The following VAPA variants were observed in gnomAD, a reference collection of about 807,000 sequenced individuals.
The protein encoded by VAPA is VAMP associated protein A.
In VAPA, 6 loss-of-function variants were observed where a neutral mutation model predicts 25.6. That is an observed-to-expected ratio of 0.23 (90% CI 0.13 to 0.46). VAPA has a LOEUF of 0.46. VAPA is among the 20% of genes least tolerant of loss of function. VAPA has a pLI of 0.99. For synonymous variants in VAPA, 112 were observed against 106.2 expected (o/e 1.05, Z -0.34); for missense variants, 244 against 302.1 (o/e 0.81, Z 1.43).
chr18:9,950,380 A>G lies in VAPA; in HGVS notation c.418-15A>G, dbSNP rs371119918. ...TTTGGTTAGTTAAAAAATTCCCAAT[A>G]TCTTTGTAATGCAGAATGATATGGA... On this transcript the variant is annotated splice_polypyrimidine_tract_variant and intron_variant, in intron 4 of 5. Transcript: ENST00000400000. 7 of 1,604,256 alleles carry G rather than the reference A, an allele frequency of 4.4e-6. No individual in the cohort carries two copies. Among genetic ancestry groups the G allele is most frequent in the Non-Finnish European group, 5.1e-6 (6 of 1,177,844 alleles).
chr18:9,933,165 A>G (rs1207823717), intron 2 of VAPA, among the ~76,000 whole-genome samples: 1 of 152,108 alleles, frequency 6.6e-6, no homozygotes, highest in Non-Finnish European at 1.5e-5. Context: ...ATATTATAAT[A>G]ATTCTGTATC....
Position 9,959,703 on chromosome 18 carries a change from GAGTT to G in VAPA, c.*5494_*5497del, listed in dbSNP as rs1299934134. 1 of 126,558 alleles carries G rather than the reference GAGTT, an allele frequency of 7.9e-6. No individual in the cohort carries two copies. The highest frequency in any genetic ancestry group is 1.6e-5 in the Non-Finnish European group (1 of 63,108). 7.8% of individuals were successfully genotyped at this position (126,558 alleles called of 1,614,324 possible). On this transcript the variant is annotated 3_prime_UTR_variant, in exon 6 of 6. Transcript: ENST00000400000. Reference sequence around the variant, plus strand: ...AATGTGTGTGTGTGAGAGAGAGAGTGAGTTACTGACATTGTTCCAAAAAAAAAAA... The same window carrying G: ...AATGTGTGTGTGTGAGAGAGAGAGTGACTGACATTGTTCCAAAAAAAAAAA...
In VAPA at chr18:9,957,840, C is replaced by T. The variant is rs1293350836; in HGVS notation, c.*3629C>T. ...CTCTTGCTTAGTGAGATGGAGTTAA[C>T]TATTTTTTAGTAGGAAGTGAGAACA... On this transcript the variant is annotated 3_prime_UTR_variant, in exon 6 of 6. Transcript: ENST00000400000. 1 of 152,178 alleles carries T rather than the reference C, an allele frequency of 6.6e-6. No homozygotes were observed. The highest frequency in any genetic ancestry group is 1.5e-5 in the Non-Finnish European group (1 of 68,036). The allele number at this position is 152,178 out of a possible 1,614,324, so 9.4% of individuals were successfully genotyped here. A position where few individuals can be genotyped will look rare whatever the true frequency, so the allele number is the denominator to read the frequency against.
At chr18:9,914,546 C>T (rs2069094227) in intron 1 of VAPA, 1 of 268,326 alleles carries the variant, frequency 3.7e-6, no homozygotes, top group African/African-American at 2.3e-5. Flanking sequence ...CCCGCCCGCC[C>T]TCGCTGCGGT....
At chr18:9,923,381 A>G (rs1259696900) in intron 1 of VAPA, among the ~76,000 whole-genome samples, 1 of 134,518 alleles carries the variant, frequency 7.4e-6, no homozygotes, top group Non-Finnish European at 1.6e-5. Context: ...AATTACCGTT[A>G]AAAAGTAGGG....
At chr18:9,946,416 A>G (rs1389608028) in intron 4 of VAPA, among the ~76,000 whole-genome samples, 1 of 151,800 alleles carries the variant, frequency 6.6e-6, no homozygotes, top group Non-Finnish European at 1.5e-5. Context: ...ATGGCTTTGA[A>G]TCCGGCCCAC....
intron 2 of VAPA, among the ~76,000 whole-genome samples, chr18:9,933,061 T>G (rs931257900): frequency 6.6e-6 from 1 of 150,474 alleles, no homozygotes; most frequent in African/African-American, 2.5e-5. Flanking sequence ...GAGCGGAGAC[T>G]GCACGAGTAA....
In VAPA at chr18:9,959,721, C is replaced by CAAAAAAAA. The variant is rs869151923; in HGVS notation, c.*5529_*5536dup. Reference sequence around the variant, plus strand: ...AGAGAGTGAGTTACTGACATTGTTCCAAAAAAAAAAAAAAAAAAAAAAAAA... The same window carrying CAAAAAAAA: ...AGAGAGTGAGTTACTGACATTGTTCCAAAAAAAAAAAAAAAAAAAAAAAAAAAAAAAAA... On this transcript the variant is annotated 3_prime_UTR_variant, in exon 6 of 6. Transcript: ENST00000400000. The CAAAAAAAA allele has an allele frequency of 2.1e-5, 2 of 93,444 alleles. No individual in the cohort carries two copies. The highest frequency in any genetic ancestry group is 2.1e-5 in the Non-Finnish European group (1 of 48,118). The allele number at this position is 93,444 out of a possible 1,614,324, so 5.8% of individuals were successfully genotyped here. A position where few individuals can be genotyped will look rare whatever the true frequency, so the allele number is the denominator to read the frequency against.
At chr18:9,934,208 C>T (rs1419801365) in intron 2 of VAPA, among the ~76,000 whole-genome samples, 2 of 152,232 alleles carry the variant, frequency 1.3e-5, no homozygotes, top group Non-Finnish European at 2.9e-5. Flanking sequence ...GCTCATTTCT[C>T]TTTTTCCCTG....
Position 9,954,235 on chromosome 18 carries a change from TC to T in VAPA, c.*25del, listed in dbSNP as rs776010971. On this transcript the variant is annotated 3_prime_UTR_variant, in exon 6 of 6. Transcript: ENST00000400000. ...AGAGTGAAGCATGCAGAGTGCTGTT[TC>T]TTTTTTTTTTTTTCTCTTGACCAGA... The T allele has an allele frequency of 1.1e-5, 17 of 1,546,864 alleles. No homozygotes were observed. In the African/African-American group the frequency reaches 1.1e-4, roughly 10 times the overall value.
chr18:9,915,148 A>G (rs1191584308), intron 1 of VAPA: 1 of 152,270 alleles, frequency 6.6e-6, no homozygotes, highest in Non-Finnish European at 1.5e-5. Flanking sequence ...CTTCTACGAC[A>G]TTTCAGTGTG....
Position 9,954,120 on chromosome 18 carries a change from T to C in VAPA, c.659T>C (p.Phe220Ser). 6.2e-7 allele frequency: 1 copy of C among 1,614,164 alleles called. No homozygotes were observed. Among genetic ancestry groups the C allele is most frequent in the South Asian group, 1.1e-5 (1 of 91,082 alleles). Residue 220 changes from phenylalanine to serine, a missense_variant, in exon 6 of 6, where the codon TTC becomes TCC. Transcript: ENST00000400000. ...CCTGGATCAACCTCAACTGCATCCT[T>C]CAGAGATAATGTCACCAGTCCTCTT... ...DKPGSTSTAS[F>S]RDNVTSPLPS...
rs1370688939 is a variant in VAPA, at chr18:9,956,666, A to G, written c.*2455A>G. 6.6e-6 allele frequency: 1 copy of G among 152,640 alleles called. No homozygotes were observed. Among genetic ancestry groups the G allele is most frequent in the Non-Finnish European group, 1.5e-5 (1 of 68,036 alleles). 9.5% of individuals were successfully genotyped at this position (152,640 alleles called of 1,614,324 possible). A position where few individuals can be genotyped will look rare whatever the true frequency, so the allele number is the denominator to read the frequency against. ...TTTTACTACCAACAGTTATAGTTTG[A>G]AAGTCCAACTGTATTAATTGACTGA... is the stretch of plus-strand genomic sequence containing the variant. On this transcript the variant is annotated 3_prime_UTR_variant, in exon 6 of 6. Transcript: ENST00000400000.
chr18:9,919,097 G>T (rs2069136066), intron 1 of VAPA, among the ~76,000 whole-genome samples: 1 of 152,124 alleles, frequency 6.6e-6, no homozygotes, highest in South Asian at 2.1e-4. Context: ...TGCCCAGGCT[G>T]ATCTCGAACT....
chr18:9,944,109 A>G (rs1275686335), intron 4 of VAPA, among the ~76,000 whole-genome samples: 1 of 151,740 alleles, frequency 6.6e-6, no homozygotes, highest in Non-Finnish European at 1.5e-5. Context: ...TTGGCCTCCC[A>G]AAGTGCTGGG....
chr18:9,928,296 AAAC>A (rs1192701445), intron 1 of VAPA, among the ~76,000 whole-genome samples: 3 of 152,044 alleles, frequency 2.0e-5, no homozygotes, highest in Non-Finnish European at 4.4e-5. Context: ...TTTTCTGAAA[AAAC>A]ATTTTTATTG....
chr18:9,950,285 C>CTTT, intron 4 of VAPA, 110 bp from the exon 5 acceptor site: 1 of 1,234,556 alleles, frequency 8.1e-7, no homozygotes, highest in Non-Finnish European at 1.1e-6. Flanking sequence ...TGATTTAGGC[C>CTTT]TTTTAAAGAG....
chr18:9,944,993 C>A (rs756164549), intron 4 of VAPA: 2 of 1,614,180 alleles, frequency 1.2e-6, no homozygotes, highest in Non-Finnish European at 8.5e-7. Context: ...AGTTGCAACA[C>A]CTGCCAGTTA....
At chr18:9,930,473 T>C (rs942405719) in intron 1 of VAPA, among the ~76,000 whole-genome samples, 1 of 152,160 alleles carries the variant, frequency 6.6e-6, no homozygotes, top group African/African-American at 2.4e-5. Context: ...AGCCAGCCAT[T>C]TTGTGGATTC....
Sources: allele counts gnomAD v4.1 joint callset (sites outside exome capture counted in the v4.1 genomes callset), GRCh38; gene constraint gnomAD v4.1.1; transcripts MANE v1.5; gene names NCBI Gene and HGNC (gene_info 2026-07-23, HGNC 2026-07-21).